The following PCDH11X variants were observed in gnomAD, a reference collection of about 807,000 sequenced individuals.
The protein encoded by PCDH11X is protocadherin-11 X-linked.
PCDH11X carries 18 observed loss-of-function variants against 53.3 expected under a neutral mutation model. The ratio of observed to expected loss-of-function variants is 0.34; its 90% CI spans 0.23 to 0.50. The LOEUF (loss-of-function observed/expected upper bound fraction) is 0.50, where lower values mean the gene tolerates loss of function less well. Ranked by LOEUF, PCDH11X falls within the 20% of genes least tolerant of loss-of-function variation. The pLI is 0.98. For missense variants in PCDH11X, 570 were observed against 1,032.4 expected, an observed-to-expected ratio of 0.55 and a Z score of 6.14; for synonymous variants, 279 against 393.3, an observed-to-expected ratio of 0.71 and a Z score of 3.44.
At chrX:92,568,161 C>T (rs1484349427) in intron 10 of PCDH11X, among the ~76,000 whole-genome samples, 1 of 110,182 alleles carries the variant, frequency 9.1e-6, no homozygotes, top group African/African-American at 3.3e-5. Context: ...GTGGCTCACA[C>T]CTGTAATCCC....
chrX:92,101,487 T>C (rs1232316430), intron 6 of PCDH11X, among the ~76,000 whole-genome samples: 4 of 111,293 alleles, frequency 3.6e-5, no homozygotes, highest in Admixed American at 2.9e-4. Flanking sequence ...TTCTTGAAGA[T>C]GGAGGACTGT....
rs1470405773 is a variant in PCDH11X, at chrX:92,018,227, C to G, written c.3033+138954C>G. Among the ~76,000 whole-genome samples, 36 of 111,555 alleles carry G rather than the reference C, an allele frequency of 3.2e-4. No individual in the cohort carries two copies. The Admixed American group carries it at 3.2e-3, about 10-fold the overall frequency. Reference sequence around the variant, plus strand: ...ACAAATGATACTAGAGTTTGTTTTTCAAGCACATTAGACAAATAGATGTCA... The same window carrying G: ...ACAAATGATACTAGAGTTTGTTTTTGAAGCACATTAGACAAATAGATGTCA... On this transcript the variant is annotated intron_variant, in intron 6 of 10. Transcript: ENST00000682573.
At chrX:91,823,503 CT>C (rs927946936) in intron 4 of PCDH11X, among the ~76,000 whole-genome samples, 52 of 110,877 alleles carry the variant, frequency 4.7e-4, no homozygotes, top group African/African-American at 1.7e-3. Flanking sequence ...CAATCCCTGC[CT>C]TTTTTTGTTT....
chrX:91,968,778 T>C (rs1417723463), intron 6 of PCDH11X, among the ~76,000 whole-genome samples: 3 of 111,480 alleles, frequency 2.7e-5, no homozygotes, highest in Non-Finnish European at 5.7e-5. Context: ...CAATAAAACA[T>C]TGTGATTTAT....
intron 7 of PCDH11X, among the ~76,000 whole-genome samples, chrX:92,203,462 C>T (rs1284416274): frequency 8.9e-6 from 1 of 112,550 alleles, no homozygotes; most frequent in Admixed American, 9.4e-5. Flanking sequence ...ACCCAGAATT[C>T]TGTCCAAATT....
intron 6 of PCDH11X, among the ~76,000 whole-genome samples, chrX:92,199,844 T>C (rs1447335402): frequency 3.6e-5 from 4 of 111,775 alleles, no homozygotes; most frequent in Non-Finnish European, 7.5e-5. Context: ...CCACATAGAC[T>C]TATACTTTTA....
intron 7 of PCDH11X, among the ~76,000 whole-genome samples, chrX:92,229,177 G>A (rs978084602): frequency 2.7e-5 from 3 of 111,627 alleles, no homozygotes; most frequent in African/African-American, 9.7e-5. Flanking sequence ...TTTAGAAATT[G>A]GTCTGACTTG....
chrX:91,850,622 G>T (rs1312872247), intron 5 of PCDH11X, among the ~76,000 whole-genome samples: 1 of 111,780 alleles, frequency 8.9e-6, no homozygotes. Context: ...GGGCATTATA[G>T]TTTGGAACTC....
chrX:91,803,192 T>A (rs1935993229), intron 1 of PCDH11X, among the ~76,000 whole-genome samples: 1 of 111,476 alleles, frequency 9.0e-6, no homozygotes, highest in African/African-American at 3.3e-5. Flanking sequence ...GATCAAATGT[T>A]AGCATTTTTT....
intron 10 of PCDH11X, among the ~76,000 whole-genome samples, chrX:92,611,222 A>T: frequency 9.1e-6 from 1 of 110,078 alleles, no homozygotes; most frequent in South Asian, 3.9e-4. Context: ...TATTCTTCTA[A>T]TCCATGAGCA....
chrX:92,141,046 T>C (rs1375367883), intron 6 of PCDH11X, among the ~76,000 whole-genome samples: 1 of 111,705 alleles, frequency 9.0e-6, no homozygotes, highest in East Asian at 2.8e-4. Context: ...GTTGTATCTG[T>C]ATACAATGCC....
intron 8 of PCDH11X, among the ~76,000 whole-genome samples, chrX:92,266,038 T>A (rs748788386): frequency 8.9e-6 from 1 of 111,768 alleles, no homozygotes; most frequent in South Asian, 3.7e-4. Flanking sequence ...ATACTGTTAA[T>A]GTATACTATG....
chrX:91,847,949 G>C (rs1409553012), intron 5 of PCDH11X, among the ~76,000 whole-genome samples: 1 of 111,865 alleles, frequency 8.9e-6, no homozygotes, highest in East Asian at 2.8e-4. Context: ...TCTATGCACT[G>C]ATCCACAAAA....
At chrX:92,491,832 TTTTC>T in intron 10 of PCDH11X, among the ~76,000 whole-genome samples, 1 of 111,491 alleles carries the variant, frequency 9.0e-6, no homozygotes. Context: ...CATGCAGTAT[TTTTC>T]TTTCTATGTT....
chrX:91,931,894 C>A (rs185562416), intron 6 of PCDH11X, among the ~76,000 whole-genome samples: 2 of 110,779 alleles, frequency 1.8e-5, no homozygotes, highest in Non-Finnish European at 3.8e-5. Flanking sequence ...TAAATATGTG[C>A]CATGGTGGTT....
rs148580785 is a variant in PCDH11X at position 91,883,914 on chromosome X, G to C, written c.3033+4641G>C. 2,227 of 748,876 alleles carry C rather than the reference G, an allele frequency of 3.0e-3. 6 individuals carry two copies. Among genetic ancestry groups the C allele is most frequent in the Non-Finnish European group, 3.2e-3 (2,062 of 636,909 alleles). 61.7% of individuals were successfully genotyped at this position (748,876 alleles called of 1,213,427 possible). A position where few individuals can be genotyped will look rare whatever the true frequency, so the allele number is the denominator to read the frequency against. On this transcript the variant is annotated intron_variant, in intron 6 of 10. Transcript: ENST00000682573. The stretch of plus-strand genomic sequence containing the variant: ...TTATTAAAAAGTTATTTTTGGCTGG[G>C]TGTGGTGGCTCACACCTGTAATCCC...
intron 6 of PCDH11X, among the ~76,000 whole-genome samples, chrX:92,180,567 G>T (rs916208236): frequency 9.0e-6 from 1 of 110,778 alleles, no homozygotes; most frequent in African/African-American, 3.3e-5. Context: ...TCCCAAATTT[G>T]TATCCCCACC....
At chrX:92,293,428 TC>T (rs1488188021) in intron 8 of PCDH11X, among the ~76,000 whole-genome samples, 4 of 109,307 alleles carry the variant, frequency 3.7e-5, no homozygotes, top group Non-Finnish European at 7.6e-5. Flanking sequence ...ATCGAGACCA[TC>T]CTGGCTAACA....
intron 7 of PCDH11X, among the ~76,000 whole-genome samples, chrX:92,218,997 C>T (rs1470533629): frequency 1.8e-5 from 2 of 111,691 alleles, no homozygotes; most frequent in African/African-American, 3.2e-5. Context: ...AATTCAACAA[C>T]ACTTCATGCT....
Sources: gnomAD v4.1 joint callset for allele counts (sites outside exome capture counted in the v4.1 genomes callset) on GRCh38, gnomAD v4.1.1 for gene constraint, MANE v1.5 for transcripts, NCBI Gene and HGNC (gene_info 2026-07-23, HGNC 2026-07-21) for gene names.